LAIR1: variants seen among roughly 807,000 people sequenced by gnomAD.
LAIR1 encodes leukocyte-associated immunoglobulin-like receptor 1.
Under a neutral mutation model 32.8 loss-of-function variants are expected in LAIR1, and 24 were observed. The ratio of observed to expected loss-of-function variants is 0.73; its 90% CI spans 0.53 to 1.03. LAIR1 has a LOEUF of 1.03. LAIR1 is among the 50% of genes least tolerant of loss of function. The probability of loss-of-function intolerance (pLI) is 0.00; values close to 1 mark genes in which losing one functional copy is unlikely to be tolerated. For synonymous variants in LAIR1, 150 were observed against 140.5 expected (o/e 1.07, Z -0.48); for missense variants, 355 against 347.5 (o/e 1.02, Z -0.17).
chr19:54,373,438 C>G (rs569348234), upstream of LAIR1, among the ~76,000 whole-genome samples: 2 of 151,528 alleles, frequency 1.3e-5, no homozygotes, highest in East Asian at 1.9e-4. Flanking sequence ...AGCGAGACTC[C>G]GTCTCAAAAA....
chr19:54,364,884 G>C lies in LAIR1; in HGVS notation c.-80C>G. 6.2e-7 allele frequency: 1 copy of C among 1,613,042 alleles called. No homozygotes were observed. Among genetic ancestry groups the C allele is most frequent in the Non-Finnish European group, 8.5e-7 (1 of 1,179,502 alleles). On this transcript the variant is annotated 5_prime_UTR_variant, in exon 1 of 10. Coordinates refer to ENST00000391742, the MANE Select transcript of LAIR1 (RefSeq NM_002287.6). The surrounding 1 kb of genome is among the most constrained non-coding windows in gnomAD (Gnocchi z 4.8). ...ACTCTGCAGCAGACACAAGCAGACA[G>C]GATGTGCTGCCCGGGGGCCTCCTGC...
At chr19:54,369,816 A>T (rs1381855348), upstream of LAIR1, among the ~76,000 whole-genome samples, 4 of 151,500 alleles carry the variant, frequency 2.6e-5, no homozygotes. Flanking sequence ...TTAAAAGAAG[A>T]GTTTGCATTA....
chr19:54,356,400 T>C lies in LAIR1; in HGVS notation c.584-2A>G. On this transcript the variant is annotated splice_acceptor_variant, in intron 6 of 9. Coordinates refer to ENST00000391742, the MANE Select transcript of LAIR1 (RefSeq NM_002287.6). LOFTEE classifies it high-confidence loss of function. ...CCTCGTCCTTGCTTCTGGGGGGCCCTAAGGACAGTCGGGGTGTGAATTAAG... is the reference window on the plus strand; with the variant it reads ...CCTCGTCCTTGCTTCTGGGGGGCCCCAAGGACAGTCGGGGTGTGAATTAAG... 2 of 1,597,318 alleles carry C rather than the reference T, an allele frequency of 1.3e-6. No individual in the cohort carries two copies. The highest frequency in any genetic ancestry group is 1.7e-6 in the Non-Finnish European group (2 of 1,171,866).
upstream of LAIR1, among the ~76,000 whole-genome samples, chr19:54,375,196 A>G (rs1040933725): frequency 3.9e-5 from 6 of 152,148 alleles, no homozygotes; most frequent in South Asian, 2.1e-4. Flanking sequence ...AAGCTCCCAC[A>G]GCATTGATCT....
Position 54,356,815 on chromosome 19 carries a change from G to A in LAIR1, c.454+113C>T, listed in dbSNP as rs1036596416. The A allele has an allele frequency of 5.8e-6, 8 of 1,390,146 alleles. No homozygotes were observed. The African/African-American group carries it at 1.1e-4, about 20-fold the overall frequency. The allele number at this position is 1,390,146 out of a possible 1,614,324, so 86.1% of individuals were successfully genotyped here. On this transcript the variant is annotated intron_variant, in intron 5 of 9. Coordinates refer to ENST00000391742, the MANE Select transcript of LAIR1 (RefSeq NM_002287.6). ...TGAGTGCTGGAGTCCTCTGCACAGG[G>A]ACACAGACTGCCATTGGCAGAGCAG...
chr19:54,368,434 A>G (rs928642686), upstream of LAIR1: 4 of 152,200 alleles, frequency 2.6e-5, no homozygotes, highest in African/African-American at 9.7e-5. Flanking sequence ...TACTGGCATA[A>G]TGGTTTCTAT....
chr19:54,367,702 T>C (rs1182885419), upstream of LAIR1, among the ~76,000 whole-genome samples: 3 of 151,034 alleles, frequency 2.0e-5, no homozygotes, highest in African/African-American at 4.9e-5. Context: ...GCCGAGATCG[T>C]GCCATTGCAC....
At chr19:54,363,675 G>A (rs2082127418) in intron 2 of LAIR1, among the ~76,000 whole-genome samples, 1 of 152,204 alleles carries the variant, frequency 6.6e-6, no homozygotes, top group Admixed American at 6.5e-5. Context: ...AGGACGTTAG[G>A]CTAAGTGAAA....
chr19:54,355,948 G>A lies in LAIR1; in HGVS notation c.717+6C>T, dbSNP rs769580315. 2.5e-6 allele frequency: 4 copies of A among 1,583,660 alleles called. No individual in the cohort carries two copies. The highest frequency in any genetic ancestry group is 1.7e-5 in the Admixed American group (1 of 59,964). On this transcript the variant is annotated splice_donor_region_variant and intron_variant, in intron 9 of 9. Coordinates refer to ENST00000391742, the MANE Select transcript of LAIR1 (RefSeq NM_002287.6). The surrounding 1 kb of genome is among the most constrained non-coding windows in gnomAD (Gnocchi z 4.7). ...GGGTACTTTAATAACTAGTAGGAAG[G>A]CTCACCGAGGTGTCCGTCTCTCTGT...
Position 54,364,536 on chromosome 19 carries a change from C to A in LAIR1, c.35-206G>T, listed in dbSNP as rs555300055. On this transcript the variant is annotated intron_variant, in intron 1 of 9. Coordinates refer to ENST00000391742, the MANE Select transcript of LAIR1 (RefSeq NM_002287.6). The surrounding 1 kb of genome is among the most constrained non-coding windows in gnomAD (Gnocchi z 4.8). ...CCCAAAGTCTCCTCCTCCAAAAAGG[C>A]TCCTGCTCCCCCAGCCCTTCTTAAA... 5 of 801,210 alleles carry A rather than the reference C, an allele frequency of 6.2e-6. No homozygotes were observed. The highest frequency in any genetic ancestry group is 1.1e-5 in the Non-Finnish European group (5 of 460,974). The allele number at this position is 801,210 out of a possible 1,614,324, so 49.6% of individuals were successfully genotyped here. A position where few individuals can be genotyped will look rare whatever the true frequency, so the allele number is the denominator to read the frequency against.
At position 54,364,774 on chromosome 19, in the gene LAIR1, G is replaced by A. The variant is rs1378188461; in HGVS notation, c.31C>T (p.Leu11=). The change falls in exon 1 of 10, where the codon CTA becomes TTA. Residue 11 remains leucine (L), a synonymous_variant. Transcript: ENST00000391742. The surrounding 1 kb of genome is among the most constrained non-coding windows in gnomAD (Gnocchi z 4.8). ...CCCGGCTGCCTCCAGGACTCACCTA[G>A]GCCCAGGAGGGCGGTGGGGTGGGGA... The part of the protein sequence containing the change: MSPHPTALLG[L]VLCLAQTIHT... 1 of 1,613,660 alleles carries A rather than the reference G, an allele frequency of 6.2e-7. No individual in the cohort carries two copies. The highest frequency in any genetic ancestry group is 8.5e-7 in the Non-Finnish European group (1 of 1,179,594).
At chr19:54,363,129 G>A (rs1470120933) in intron 2 of LAIR1, among the ~76,000 whole-genome samples, 4 of 151,896 alleles carry the variant, frequency 2.6e-5, no homozygotes, top group Non-Finnish European at 4.4e-5. Context: ...TTTGCAAATC[G>A]CCAGTCCCTG....
upstream of LAIR1, among the ~76,000 whole-genome samples, chr19:54,373,238 C>T (rs928277343): frequency 2.9e-4 from 44 of 150,964 alleles, 1 homozygote; most frequent in Non-Finnish European, 3.8e-4. Context: ...GTCAGGTGAT[C>T]GAGACCATCC....
chr19:54,358,539 C>G, intron 4 of LAIR1: 1 of 1,608,660 alleles, frequency 6.2e-7, no homozygotes, highest in Middle Eastern at 1.7e-4. Flanking sequence ...CTAACTATTT[C>G]TCCCCATTGA....
upstream of LAIR1, among the ~76,000 whole-genome samples, chr19:54,366,768 G>T (rs376743160): frequency 6.6e-6 from 1 of 152,204 alleles, no homozygotes; most frequent in Non-Finnish European, 1.5e-5. Flanking sequence ...GATTACAGGC[G>T]TGAACCACCA....
At chr19:54,357,569 GGCAC>G (rs2081783769) in intron 4 of LAIR1, 1 of 153,828 alleles carries the variant, frequency 6.5e-6, no homozygotes, top group African/African-American at 2.4e-5. Context: ...GAGTGTGTGG[GGCAC>G]CGCCCAGGCT....
chr19:54,354,485 T>G lies in LAIR1; in HGVS notation c.*783A>C, dbSNP rs932910989. On this transcript the variant is annotated 3_prime_UTR_variant, in exon 10 of 10. Transcript: ENST00000391742. ...ATTGATTGTGACTGTCATTGCACAA[T>G]GTACGTGTACGACAAATTATCACAT... The G allele has an allele frequency of 6.6e-5, 10 of 152,242 alleles. No individual in the cohort carries two copies. The highest frequency in any genetic ancestry group is 2.4e-4 in the African/African-American group (10 of 41,444). The allele number at this position is 152,242 out of a possible 1,614,324, so 9.4% of individuals were successfully genotyped here.
At chr19:54,375,684 C>T in the LAIR1 span, among the ~76,000 whole-genome samples, 1 of 151,894 alleles carries the variant, frequency 6.6e-6, no homozygotes, top group South Asian at 2.1e-4. Flanking sequence ...GATGGGCCAC[C>T]TCCCCAGTGA....
chr19:54,361,771 G>A (rs921566413), intron 2 of LAIR1, among the ~76,000 whole-genome samples: 1 of 151,550 alleles, frequency 6.6e-6, no homozygotes, highest in Non-Finnish European at 1.5e-5. Context: ...CCCGTGACAG[G>A]TCCCCATTGC....
Sources: gnomAD v4.1 joint callset for allele counts (sites outside exome capture counted in the v4.1 genomes callset) on GRCh38, gnomAD v4.1.1 for gene constraint, Gnocchi (gnomAD v3.1) non-coding constraint, MANE v1.5 for transcripts, NCBI Gene and HGNC (gene_info 2026-07-23, HGNC 2026-07-21) for gene names.